TGFBR2: variants seen among roughly 807,000 people sequenced by gnomAD.
TGFBR2 encodes TGF-beta receptor type-2.
A neutral mutation model predicts 49.0 loss-of-function variants in TGFBR2; 18 were observed. The ratio of observed to expected loss-of-function variants is 0.37; its 90% confidence interval spans 0.25 to 0.54. The LOEUF (loss-of-function observed/expected upper bound fraction) is 0.54. Ranked by LOEUF, TGFBR2 falls within the 20% of genes least tolerant of loss-of-function variation. The pLI, the probability that TGFBR2 is intolerant of heterozygous loss-of-function variation, is 0.85. For synonymous variants in TGFBR2, 282 were observed against 275.9 expected (o/e 1.02, Z -0.22); for missense variants, 525 against 722.6 (o/e 0.73, Z 3.13).
At chr3:30,683,945 G>T (rs1445201515) in intron 5 of TGFBR2, among the ~76,000 whole-genome samples, 1 of 152,234 alleles carries the variant, frequency 6.6e-6, no homozygotes, top group South Asian at 2.1e-4. Context: ...ACCTCCTCTC[G>T]CAGGGTTCAG....
At chr3:30,607,028 G>A in intron 1 of TGFBR2, 51 bp downstream of exon 1, 1 of 1,486,036 alleles carries the variant, frequency 6.7e-7, no homozygotes. Context: ...TCTTCCTGGG[G>A]TCCCCGCCTC....
intron 3 of TGFBR2, 100 bp downstream of exon 3, chr3:30,650,560 T>C (rs1698864600): frequency 7.9e-7 from 1 of 1,272,620 alleles, no homozygotes; most frequent in Admixed American, 1.7e-5. Context: ...CTGTGGTGGA[T>C]TGCATACAGT....
chr3:30,632,311 A>G (rs183580286), intron 1 of TGFBR2, among the ~76,000 whole-genome samples: 1 of 152,314 alleles, frequency 6.6e-6, no homozygotes, highest in East Asian at 1.9e-4. Flanking sequence ...CGCCTGATAA[A>G]TGTGCAGGAG....
chr3:30,673,180 G>A (rs1216091208), intron 4 of TGFBR2, among the ~76,000 whole-genome samples: 4 of 152,198 alleles, frequency 2.6e-5, no homozygotes, highest in South Asian at 2.1e-4. Context: ...GGCAGCGCAC[G>A]CAGTGTTGAG....
intron 5 of TGFBR2, among the ~76,000 whole-genome samples, chr3:30,682,720 G>A (rs1699560224): frequency 6.6e-6 from 1 of 152,130 alleles, no homozygotes; most frequent in Admixed American, 6.5e-5. Context: ...GGTTTAATGT[G>A]GGTAAATAAT....
intron 1 of TGFBR2, among the ~76,000 whole-genome samples, chr3:30,629,340 TGGG>T (rs1259122775): frequency 1.3e-5 from 2 of 152,238 alleles, no homozygotes; most frequent in African/African-American, 4.8e-5. Context: ...CAATGTGTCT[TGGG>T]AGAGTTCTCT....
intron 1 of TGFBR2, among the ~76,000 whole-genome samples, chr3:30,620,182 G>A (rs1486467519): frequency 6.6e-6 from 1 of 152,114 alleles, no homozygotes; most frequent in African/African-American, 2.4e-5. Flanking sequence ...GTGAGACTCT[G>A]TCTCAAAACA....
chr3:30,676,589 C>T lies in TGFBR2; in HGVS notation c.1396+2343C>T, dbSNP rs1158520663. Among the ~76,000 whole-genome samples the T allele has an allele frequency of 6.6e-6, 1 of 152,182 alleles. No homozygotes were observed. Among genetic ancestry groups the T allele is most frequent in the Non-Finnish European group, 1.5e-5 (1 of 68,044 alleles). ...TATTGTCATTATTTATTTTGTTGCT[C>T]AGGTTGCCACAGCTTGGGTCACTGG... On this transcript the variant is annotated intron_variant, in intron 5 of 6. Coordinates refer to ENST00000295754, the MANE Select transcript of TGFBR2 (RefSeq NM_003242.6). The surrounding 1 kb of genome is among the most constrained non-coding windows in gnomAD (Gnocchi z 4.3).
chr3:30,612,750 T>A (rs1033986318), intron 1 of TGFBR2, among the ~76,000 whole-genome samples: 3 of 152,152 alleles, frequency 2.0e-5, no homozygotes, highest in African/African-American at 7.2e-5. Context: ...TACAATCGTG[T>A]ACAACTGCTG....
At position 30,648,419 on chromosome 3, in the gene TGFBR2, TACAC is replaced by T. The variant is rs35473576; in HGVS notation, c.264-1811_264-1808del. ...TTTATTACCCAAACCAAAAACAACC[TACAC>T]ACACACACACACACACACACACACA... On this transcript the variant is annotated intron_variant, in intron 2 of 6. Coordinates refer to ENST00000295754, the MANE Select transcript of TGFBR2 (RefSeq NM_003242.6). Among the ~76,000 whole-genome samples, 543 of 115,610 alleles carry T rather than the reference TACAC, an allele frequency of 4.7e-3. 5 individuals are homozygous for T. The highest frequency in any genetic ancestry group is 0.012 in the South Asian group (36 of 3,006). The allele number at this position is 115,610 out of a possible 152,430, so 75.8% of individuals were successfully genotyped here.
intron 1 of TGFBR2, chr3:30,623,321 A>G (rs761849978): frequency 1.2e-6 from 2 of 1,600,942 alleles, no homozygotes. Flanking sequence ...ATTTTTAGTC[A>G]TGCTCCCTCA....
chr3:30,648,463 A>ACAC, intron 2 of TGFBR2, among the ~76,000 whole-genome samples: 1 of 72,010 alleles, frequency 1.4e-5, no homozygotes, highest in Non-Finnish European at 3.1e-5. Context: ...CACACACACA[A>ACAC]AACTGTGGGG....
In TGFBR2 at chr3:30,624,035, C is replaced by G. The variant is rs777136698; in HGVS notation, c.94+17058C>G. 3.3e-5 allele frequency among the ~76,000 whole-genome samples: 5 copies of G among 152,018 alleles called. No homozygotes were observed. In the South Asian group the frequency reaches 6.2e-4, roughly 19 times the overall value. On this transcript the variant is annotated intron_variant, in intron 1 of 6. Transcript: ENST00000295754. Reference sequence around the variant, plus strand: ...GCGGGCGCCTGTAATCACAGCTACTCGGGAGGCTGAGGCAGGAGAATCGCT... The same window carrying G: ...GCGGGCGCCTGTAATCACAGCTACTGGGGAGGCTGAGGCAGGAGAATCGCT...
intron 2 of TGFBR2, 38 bp from the exon 3 acceptor site, chr3:30,650,232 C>A (rs2125409656): frequency 6.3e-7 from 1 of 1,589,166 alleles, no homozygotes; most frequent in Non-Finnish European, 8.6e-7. Context: ...TTCTCTCTCT[C>A]CCTCTCCCCT....
chr3:30,653,549 G>T (rs1048893126), intron 3 of TGFBR2, among the ~76,000 whole-genome samples: 36 of 152,042 alleles, frequency 2.4e-4, no homozygotes, highest in African/African-American at 8.5e-4. Context: ...ACCACACCCG[G>T]CCAGAATGAA....
intron 3 of TGFBR2, among the ~76,000 whole-genome samples, chr3:30,650,785 C>T (rs1180284966): frequency 6.6e-6 from 1 of 152,154 alleles, no homozygotes; most frequent in African/African-American, 2.4e-5. Context: ...GATTCTCAGG[C>T]CCCACTAAAT....
At chr3:30,674,391 T>G in intron 5 of TGFBR2, 145 bp downstream of exon 5, 11 of 1,157,692 alleles carry the variant, frequency 9.5e-6, no homozygotes, top group Non-Finnish European at 1.3e-5. Context: ...CCAGAACTAT[T>G]TGGGGTTATG....
intron 5 of TGFBR2, among the ~76,000 whole-genome samples, chr3:30,684,679 G>C (rs957123257): frequency 1.3e-5 from 2 of 151,934 alleles, no homozygotes; most frequent in African/African-American, 2.4e-5. Flanking sequence ...TTACCCATAA[G>C]TCGAAGATGG....
intron 1 of TGFBR2, among the ~76,000 whole-genome samples, chr3:30,630,691 C>G (rs557586222): frequency 6.6e-6 from 1 of 152,128 alleles, no homozygotes; most frequent in African/African-American, 2.4e-5. Flanking sequence ...TATCAAGAGA[C>G]GGAGATTTGG....
Sources: gnomAD v4.1 joint callset for allele counts (sites outside exome capture counted in the v4.1 genomes callset) on GRCh38, gnomAD v4.1.1 for gene constraint, Gnocchi (gnomAD v3.1) non-coding constraint, MANE v1.5 for transcripts, NCBI Gene and HGNC (gene_info 2026-07-23, HGNC 2026-07-21) for gene names.